ARL15: variants seen among roughly 807,000 people sequenced by gnomAD.
The protein encoded by ARL15 is ADP-ribosylation factor-like protein 15.
A neutral mutation model predicts 25.2 loss-of-function variants in ARL15; 19 were observed. That is an observed-to-expected ratio of 0.75 (90% confidence interval 0.53 to 1.10). The LOEUF (loss-of-function observed/expected upper bound fraction) is 1.10, where lower values mean the gene tolerates loss of function less well. Ranked by LOEUF, ARL15 falls within the 50% of genes least tolerant of loss-of-function variation. The pLI, the probability that ARL15 is intolerant of heterozygous loss-of-function variation, is 0.00. For missense variants in ARL15, 220 were observed against 246.0 expected (o/e 0.89, Z 0.71); for synonymous variants, 94 against 86.8 (o/e 1.08, Z -0.46).
At chr5:54,153,789 A>T (rs1002514966) in intron 3 of ARL15, among the ~76,000 whole-genome samples, 2 of 152,176 alleles carry the variant, frequency 1.3e-5, no homozygotes, top group East Asian at 1.9e-4. Context: ...CGAGCTAAAA[A>T]TAGGTCACAG....
chr5:54,295,162 T>C (rs542222933), intron 1 of ARL15, among the ~76,000 whole-genome samples: 5 of 152,366 alleles, frequency 3.3e-5, no homozygotes, highest in African/African-American at 1.2e-4. Flanking sequence ...GCAAGATCTT[T>C]CTCAACATGG....
intron 4 of ARL15, among the ~76,000 whole-genome samples, chr5:53,967,861 G>C (rs1747613678): frequency 6.6e-6 from 1 of 152,134 alleles, no homozygotes; most frequent in South Asian, 2.1e-4. Context: ...CTAGACAATT[G>C]AATGTGGGGC....
rs1401919980 is a variant in ARL15 at position 54,082,474 on chromosome 5, TACTC to T, written c.462+30724_462+30727del. On this transcript the variant is annotated intron_variant, in intron 4 of 4. Transcript: ENST00000504924. ...ATACATACGTGTGTGTATAGACAGA[TACTC>T]ACATTTGGAAGGAAAAAATCCTGGT... Among the ~76,000 whole-genome samples the T allele has an allele frequency of 2.6e-5, 4 of 152,174 alleles. No homozygotes were observed. In the East Asian group the frequency reaches 5.8e-4, roughly 22 times the overall value.
chr5:54,132,403 A>G (rs1407273322), intron 3 of ARL15, among the ~76,000 whole-genome samples: 1 of 152,076 alleles, frequency 6.6e-6, no homozygotes, highest in African/African-American at 2.4e-5. Flanking sequence ...CTTTAACCCA[A>G]AATTTCACCT....
chr5:54,086,681 C>CA (rs1473149117), intron 4 of ARL15, among the ~76,000 whole-genome samples: 1 of 151,786 alleles, frequency 6.6e-6, no homozygotes, highest in Non-Finnish European at 1.5e-5. Context: ...ATGCTATAGC[C>CA]AAAAAATACA....
intron 4 of ARL15, among the ~76,000 whole-genome samples, chr5:53,936,043 C>T (rs963316641): frequency 4.6e-5 from 7 of 151,674 alleles, no homozygotes; most frequent in African/African-American, 9.7e-5. Context: ...CCATCGTGCC[C>T]GGCCTCTGAG....
chr5:54,160,822 C>A (rs1378862544), intron 2 of ARL15, among the ~76,000 whole-genome samples: 1 of 152,148 alleles, frequency 6.6e-6, no homozygotes, highest in Non-Finnish European at 1.5e-5. Context: ...CGAACACATC[C>A]TTCTCATATG....
At chr5:54,269,083 G>T (rs915168535) in intron 1 of ARL15, among the ~76,000 whole-genome samples, 1 of 151,922 alleles carries the variant, frequency 6.6e-6, no homozygotes, top group Non-Finnish European at 1.5e-5. Flanking sequence ...GGGTAGGGGT[G>T]GGGGGTAGGG....
intron 4 of ARL15, among the ~76,000 whole-genome samples, chr5:54,040,553 C>T (rs895869724): frequency 6.6e-6 from 1 of 152,124 alleles, no homozygotes. Context: ...GCATGAGAAA[C>T]ATTATTAAAT....
At chr5:54,092,930 TA>T (rs1393769233) in intron 4 of ARL15, among the ~76,000 whole-genome samples, 1 of 152,246 alleles carries the variant, frequency 6.6e-6, no homozygotes. Flanking sequence ...TCATAAATTT[TA>T]AAAGTCTCTG....
At chr5:54,169,125 A>G (rs1754653886) in intron 2 of ARL15, among the ~76,000 whole-genome samples, 2 of 152,198 alleles carry the variant, frequency 1.3e-5, no homozygotes, top group South Asian at 4.1e-4. Flanking sequence ...AAAAAATTTC[A>G]TAAAAACAAA....
chr5:53,894,957 T>G (rs1052407519), intron 4 of ARL15, among the ~76,000 whole-genome samples: 4 of 152,102 alleles, frequency 2.6e-5, no homozygotes, highest in Non-Finnish European at 5.9e-5. Context: ...TAAATAAAAT[T>G]TTATTAGAAC....
chr5:54,081,510 C>T (rs957490691), intron 4 of ARL15, among the ~76,000 whole-genome samples: 9 of 152,262 alleles, frequency 5.9e-5, no homozygotes, highest in East Asian at 5.8e-4. Flanking sequence ...ATAATCCCCA[C>T]ATGTCAAGGG....
chr5:54,073,334 G>A (rs760274048), intron 4 of ARL15, among the ~76,000 whole-genome samples: 6 of 152,110 alleles, frequency 3.9e-5, no homozygotes, highest in Non-Finnish European at 5.9e-5. Context: ...CCAGCTCTTC[G>A]TAAGACAGCA....
At chr5:54,105,763 A>G (rs919096446) in intron 4 of ARL15, among the ~76,000 whole-genome samples, 1 of 152,054 alleles carries the variant, frequency 6.6e-6, no homozygotes, top group African/African-American at 2.4e-5. Context: ...TTCTGCTTTT[A>G]GTAGAGACGG....
chr5:54,167,542 C>T (rs1027492063), intron 2 of ARL15, among the ~76,000 whole-genome samples: 1 of 152,126 alleles, frequency 6.6e-6, no homozygotes, highest in Non-Finnish European at 1.5e-5. Context: ...TGTTGTTCTT[C>T]TTCTTTTAGA....
chr5:53,898,885 C>A (rs1486509395), intron 4 of ARL15, among the ~76,000 whole-genome samples: 1 of 152,020 alleles, frequency 6.6e-6, no homozygotes, highest in Non-Finnish European at 1.5e-5. Flanking sequence ...AACTCCTGGG[C>A]TCAAGCAATC....
At chr5:54,087,743 A>AAT (rs1451517805) in intron 4 of ARL15, among the ~76,000 whole-genome samples, 53 of 17,172 alleles carry the variant, frequency 3.1e-3, no homozygotes, top group Admixed American at 9.5e-3. Flanking sequence ...AATGGCTCCA[A>AAT]ATATATATAT....
intron 1 of ARL15, among the ~76,000 whole-genome samples, chr5:54,218,556 T>C (rs906362699): frequency 6.6e-6 from 1 of 152,188 alleles, no homozygotes; most frequent in Non-Finnish European, 1.5e-5. Context: ...ATCACTTTAT[T>C]TGGGGTCACT....
Sources: allele counts gnomAD v4.1 joint callset (sites outside exome capture counted in the v4.1 genomes callset), GRCh38; gene constraint gnomAD v4.1.1; transcripts MANE v1.5; gene names NCBI Gene and HGNC (gene_info 2026-07-23, HGNC 2026-07-21).